Variants in HMGXB3 observed in about 807,000 individuals in gnomAD.
HMGXB3 encodes HMG domain-containing protein 3.
In HMGXB3, 45 loss-of-function variants were observed where a neutral mutation model predicts 121.5. The ratio of observed to expected loss-of-function variants is 0.37; its 90% CI spans 0.29 to 0.47. The LOEUF (loss-of-function observed/expected upper bound fraction) is 0.47, where lower values mean the gene tolerates loss of function less well. Among genes scored for constraint, HMGXB3 ranks in the 20% least tolerant of loss-of-function variants. HMGXB3 has a pLI of 0.99. For missense variants in HMGXB3, 1,376 were observed against 1,602.2 expected (o/e 0.86, Z 2.41); for synonymous variants, 590 against 624.1 (o/e 0.95, Z 0.81).
At position 150,032,462 on chromosome 5, in the gene HMGXB3, C is replaced by T. The variant is rs1311670345; in HGVS notation, c.1842C>T (p.Gly614=). 6.4e-7 allele frequency: 1 copy of T among 1,551,442 alleles called. No individual in the cohort carries two copies. The highest frequency in any genetic ancestry group is 8.7e-7 in the Non-Finnish European group (1 of 1,146,866). ...KYSCTVTLDL[G]LATSRGRGKC... is the part of the protein sequence containing the mutation. ...TGGTCTTACTTTTTTAGGATTTGGG[C>T]CTGGCTACATCAAGAGGCCGGGGAA... The change falls in exon 11 of 20, where the codon GGC becomes GGT. Residue 614 remains glycine (G), a synonymous_variant. Coordinates refer to ENST00000502717, the MANE Select transcript of HMGXB3 (RefSeq NM_014983.3).
At chr5:150,016,098 A>G (rs2113733019) in intron 5 of HMGXB3, among the ~76,000 whole-genome samples, 1 of 152,296 alleles carries the variant, frequency 6.6e-6, no homozygotes, top group South Asian at 2.1e-4. Context: ...TAACCCTAGC[A>G]CTTTGAGAGA....
chr5:150,051,202 A>G (rs547013779), intron 19 of HMGXB3, among the ~76,000 whole-genome samples: 42 of 152,322 alleles, frequency 2.8e-4, no homozygotes, highest in African/African-American at 9.1e-4. Context: ...ATTTCTCACC[A>G]GTCATGTACC....
intron 5 of HMGXB3, among the ~76,000 whole-genome samples, chr5:150,013,390 A>G (rs985922195): frequency 1.2e-4 from 18 of 152,192 alleles, no homozygotes; most frequent in Admixed American, 3.9e-4. Flanking sequence ...CTATTACTCA[A>G]ATTTTAAACC....
chr5:150,003,426 T>G (rs967866225), intron 1 of HMGXB3, among the ~76,000 whole-genome samples: 3 of 152,020 alleles, frequency 2.0e-5, no homozygotes, highest in Non-Finnish European at 1.5e-5. Context: ...GGGAAGGTTG[T>G]TAAGCATCTC....
intron 6 of HMGXB3, chr5:150,021,896 GT>G (rs1756103862): frequency 2.0e-6 from 1 of 509,400 alleles, no homozygotes; most frequent in Non-Finnish European, 3.9e-6. Context: ...CTCCATGGGT[GT>G]TTTTCCGGTG....
chr5:150,032,350 C>A, intron 10 of HMGXB3, 104 bp from the exon 11 acceptor site: 1 of 1,066,478 alleles, frequency 9.4e-7, no homozygotes, highest in Non-Finnish European at 1.3e-6. Flanking sequence ...TTTGCAGTTG[C>A]CACTCTCTTC....
intron 18 of HMGXB3, among the ~76,000 whole-genome samples, chr5:150,048,987 T>C (rs539605758): frequency 1.3e-5 from 2 of 152,162 alleles, no homozygotes; most frequent in South Asian, 4.1e-4. Flanking sequence ...AGTGGGGAAA[T>C]AAAGTCACCA....
In HMGXB3 at chr5:150,032,426, G is replaced by A. The variant is rs536463852; in HGVS notation, c.1834-28G>A. ...GCCCAGGTTTAACTTAATTTTTGTA[G>A]AATTGAACACTGGTCTTACTTTTTT... is the stretch of plus-strand genomic sequence containing the variant. On this transcript the variant is annotated intron_variant, in intron 10 of 19. Transcript: ENST00000502717. 1.4e-5 allele frequency: 22 copies of A among 1,545,418 alleles called. No homozygotes were observed. The African/African-American group carries it at 2.9e-4, about 20-fold the overall frequency.
intron 10 of HMGXB3, among the ~76,000 whole-genome samples, chr5:150,032,126 G>A (rs562790364): frequency 1.8e-4 from 27 of 152,282 alleles, no homozygotes; most frequent in African/African-American, 6.3e-4. Context: ...TAGTTCACCA[G>A]TCTCAAGCAC....
intron 18 of HMGXB3, among the ~76,000 whole-genome samples, chr5:150,049,297 TG>T (rs759429150): frequency 1.3e-5 from 2 of 152,130 alleles, no homozygotes; most frequent in Admixed American, 6.5e-5. Context: ...ACCTTTTGGA[TG>T]GTTTTGAATG....
intron 9 of HMGXB3, among the ~76,000 whole-genome samples, chr5:150,027,741 T>C (rs560603179): frequency 1.2e-4 from 19 of 152,140 alleles, no homozygotes; most frequent in African/African-American, 4.1e-4. Flanking sequence ...TTGGTAGATA[T>C]GGGGTTTCAC....
intron 1 of HMGXB3, among the ~76,000 whole-genome samples, 185 bp from the exon 2 acceptor site, chr5:150,004,666 C>G (rs918302617): frequency 6.6e-6 from 1 of 152,176 alleles, no homozygotes; most frequent in African/African-American, 2.4e-5. Context: ...TCCAGGAGGG[C>G]TGAAGTGGAG....
Position 150,050,265 on chromosome 5 carries a change from C to T in HMGXB3, c.3215C>T (p.Ser1072Phe). ...TTCATCTCCCAGGTGGTCTGCGGCT[C>T]CAAGTATCTTGTGCGAGGTGAGAGT... ...KVCPHQVVCGSKYLVRGESAR... is the reference protein window; with the variant it reads ...KVCPHQVVCGFKYLVRGESAR... The change falls in exon 19 of 20, where the codon TCC becomes TTC. Residue 1072 changes from serine to phenylalanine, a missense_variant. Physicochemically the swap from Ser to Phe is radical, Grantham distance 155. Around this residue, in one of 2 missense-constraint regions of HMGXB3, gnomAD observed 1,116 missense variants for 1,369.0 expected, o/e 0.82. Transcript: ENST00000502717. The T allele has an allele frequency of 6.4e-7, 1 of 1,551,920 alleles. No homozygotes were observed. The highest frequency in any genetic ancestry group is 8.7e-7 in the Non-Finnish European group (1 of 1,147,018).
intron 14 of HMGXB3, among the ~76,000 whole-genome samples, chr5:150,041,381 A>G (rs1221922434): frequency 1.3e-5 from 2 of 152,232 alleles, no homozygotes; most frequent in African/African-American, 4.8e-5. Flanking sequence ...TACTAGAGTT[A>G]CATGGGCCTG....
chr5:150,018,180 T>C (rs1361647777), intron 5 of HMGXB3, among the ~76,000 whole-genome samples: 4 of 152,184 alleles, frequency 2.6e-5, no homozygotes, highest in Admixed American at 6.5e-5. Flanking sequence ...CTGCCCTTGA[T>C]TGATGATTTG....
chr5:150,039,603 A>C (rs575522055), intron 13 of HMGXB3, among the ~76,000 whole-genome samples: 19 of 151,220 alleles, frequency 1.3e-4, no homozygotes, highest in Non-Finnish European at 2.2e-4. Context: ...TTCTATAGTA[A>C]ATTTCTTTTG....
rs769194210 is a variant in HMGXB3 at position 150,032,619 on chromosome 5, C to G, written c.1983+16C>G. On this transcript the variant is annotated intron_variant, in intron 11 of 19. Transcript: ENST00000502717. Reference sequence around the variant, plus strand: ...CAAGGCTATCGTGAGTTCCTTCCCCCAAACACATCCCCTGGCCTGTTCTGG... The same window carrying G: ...CAAGGCTATCGTGAGTTCCTTCCCCGAAACACATCCCCTGGCCTGTTCTGG... The G allele has an allele frequency of 2.6e-6, 4 of 1,552,036 alleles. No individual in the cohort carries two copies. The highest frequency in any genetic ancestry group is 2.4e-5 in the East Asian group (1 of 40,934).
chr5:150,004,795 G>A, intron 1 of HMGXB3, 56 bp from the exon 2 acceptor site: 1 of 1,228,332 alleles, frequency 8.1e-7, no homozygotes, highest in Non-Finnish European at 1.1e-6. Flanking sequence ...TCAGGAAGCT[G>A]CTGCCCCTCT....
At chr5:150,013,213 T>C (rs1755883612) in intron 5 of HMGXB3, among the ~76,000 whole-genome samples, 1 of 152,224 alleles carries the variant, frequency 6.6e-6, no homozygotes, top group African/African-American at 2.4e-5. Flanking sequence ...ATATTAACTA[T>C]AGGTTTTTCC....
Sources: allele counts gnomAD v4.1 joint callset (sites outside exome capture counted in the v4.1 genomes callset), GRCh38; gene constraint gnomAD v4.1.1; regional missense constraint gnomAD v4.1.1; transcripts MANE v1.5; gene names NCBI Gene and HGNC (gene_info 2026-07-23, HGNC 2026-07-21).